The following EYS variants were observed in gnomAD, a reference collection of about 807,000 sequenced individuals.
EYS encodes the protein EGF-like photoreceptor maintenance factor, also known as protein eyes shut homolog.
Under a neutral mutation model 282.1 loss-of-function variants are expected in EYS, and 250 were observed. That is an observed-to-expected ratio of 0.89 (90% confidence interval 0.80 to 0.98). The LOEUF (loss-of-function observed/expected upper bound fraction) is 0.98, where lower values mean the gene tolerates loss of function less well. Among genes scored for constraint, EYS ranks in the 50% least tolerant of loss-of-function variants. The pLI is 0.00. For missense variants in EYS, 4,016 were observed against 3,709.0 expected (o/e 1.08, Z -2.15); for synonymous variants, 1,355 against 1,282.9 (o/e 1.06, Z -1.20).
intron 40 of EYS, among the ~76,000 whole-genome samples, chr6:63,772,010 T>C (rs138695226): frequency 1.4e-3 from 213 of 152,306 alleles, no homozygotes; most frequent in Non-Finnish European, 2.5e-3. Context: ...GTCCTAGAGC[T>C]GAGTGTACAA....
chr6:65,201,777 G>C (rs1325744216), intron 12 of EYS, among the ~76,000 whole-genome samples: 1 of 151,970 alleles, frequency 6.6e-6, no homozygotes, highest in African/African-American at 2.4e-5. Context: ...TGGTCTGGAG[G>C]TCATGAACAT....
chr6:65,598,956 GT>G (rs1012999591), intron 2 of EYS, among the ~76,000 whole-genome samples: 4 of 152,048 alleles, frequency 2.6e-5, no homozygotes, highest in Non-Finnish European at 5.9e-5. Flanking sequence ...GAACAGGTGT[GT>G]GGTGTATATA....
At chr6:65,217,798 G>A in intron 12 of EYS, among the ~76,000 whole-genome samples, 1 of 152,014 alleles carries the variant, frequency 6.6e-6, no homozygotes, top group East Asian at 1.9e-4. Context: ...AGAAAATATA[G>A]AGTTTTCTGG....
At chr6:65,054,493 A>G (rs1384352800) in intron 13 of EYS, among the ~76,000 whole-genome samples, 2 of 152,042 alleles carry the variant, frequency 1.3e-5, no homozygotes, top group Admixed American at 6.6e-5. Flanking sequence ...ACGTGGTCTC[A>G]TCTACATACA....
intron 8 of EYS, among the ~76,000 whole-genome samples, chr6:65,367,550 T>A (rs1435957210): frequency 6.6e-6 from 1 of 151,704 alleles, no homozygotes; most frequent in Non-Finnish European, 1.5e-5. Flanking sequence ...TCACAAGCAT[T>A]GCACTAATTT....
chr6:64,016,809 T>A (rs1052264927), intron 33 of EYS, among the ~76,000 whole-genome samples: 2 of 152,122 alleles, frequency 1.3e-5, no homozygotes, highest in African/African-American at 2.4e-5. Context: ...ATTGTACATT[T>A]CTTATTCGTC....
At chr6:64,062,367 A>G (rs1428663655) in intron 33 of EYS, among the ~76,000 whole-genome samples, 2 of 152,170 alleles carry the variant, frequency 1.3e-5, no homozygotes, top group Non-Finnish European at 2.9e-5. Context: ...TCTCATGTAC[A>G]TTGTATCTTA....
intron 29 of EYS, among the ~76,000 whole-genome samples, chr6:64,340,443 C>A (rs1771057797): frequency 2.0e-5 from 3 of 151,794 alleles, no homozygotes; most frequent in Admixed American, 2.0e-4. Context: ...TGATTTTTAA[C>A]AAGACCAACA....
At position 63,885,380 on chromosome 6, in the gene EYS, C is replaced by A. The variant is rs1773238231; in HGVS notation, c.7056-21022G>T. 2.0e-5 allele frequency among the ~76,000 whole-genome samples: 3 copies of A among 152,122 alleles called. No individual in the cohort carries two copies. The South Asian group carries it at 6.2e-4, about 32-fold the overall frequency. On this transcript the variant is annotated intron_variant, in intron 35 of 42. Coordinates refer to ENST00000503581, the MANE Select transcript of EYS (RefSeq NM_001142800.2). ...CATTTTAGGAAGAGAACTAAACATT[C>A]TTCTCATAATTTAAGGACTCTTCCA...
intron 36 of EYS, among the ~76,000 whole-genome samples, chr6:63,850,969 G>A (rs1313878311): frequency 6.6e-6 from 1 of 152,172 alleles, no homozygotes; most frequent in Non-Finnish European, 1.5e-5. Flanking sequence ...AAAATAAAGG[G>A]ATGGAGGAAT....
chr6:65,149,716 A>T (rs115793696), intron 12 of EYS, among the ~76,000 whole-genome samples: 354 of 151,974 alleles, frequency 2.3e-3, no homozygotes, highest in Non-Finnish European at 3.2e-3. Flanking sequence ...CCTCCAAACT[A>T]TTCCAAACTC....
intron 13 of EYS, among the ~76,000 whole-genome samples, chr6:65,038,152 G>C (rs1165289369): frequency 6.6e-6 from 1 of 151,508 alleles, no homozygotes; most frequent in Non-Finnish European, 1.5e-5. Flanking sequence ...GTACACATAA[G>C]TGCATAATCC....
At chr6:64,129,456 T>C in intron 31 of EYS, among the ~76,000 whole-genome samples, 1 of 152,198 alleles carries the variant, frequency 6.6e-6, no homozygotes. Context: ...TCATATCCTT[T>C]GCCCACTTTT....
intron 31 of EYS, among the ~76,000 whole-genome samples, chr6:64,176,769 G>A (rs1358717645): frequency 6.6e-6 from 1 of 151,898 alleles, no homozygotes; most frequent in Admixed American, 6.6e-5. Context: ...CTAATTTGTT[G>A]TTCAGTTTTT....
chr6:63,999,239 A>G lies in EYS; in HGVS notation c.6726-56T>C, dbSNP rs962515276. The G allele has an allele frequency of 7.5e-6, 8 of 1,064,280 alleles. No homozygotes were observed. The African/African-American group carries it at 1.3e-4, about 17-fold the overall frequency. The allele number at this position is 1,064,280 out of a possible 1,614,324, so 65.9% of individuals were successfully genotyped here. ...TATGTGTTTTTGGCAAGAAAGGAGT[A>G]ACTTCACACATGGATAGTAAGTACT... On this transcript the variant is annotated intron_variant, in intron 33 of 42. Coordinates refer to ENST00000503581, the MANE Select transcript of EYS (RefSeq NM_001142800.2).
intron 22 of EYS, among the ~76,000 whole-genome samples, chr6:64,656,293 AC>A (rs1291141714): frequency 5.9e-5 from 9 of 152,096 alleles, no homozygotes; most frequent in Non-Finnish European, 1.3e-4. Context: ...ATTTTCCCAT[AC>A]CTGTTCTTTT....
At chr6:65,008,340 GA>G (rs1026851027) in intron 13 of EYS, among the ~76,000 whole-genome samples, 4 of 150,636 alleles carry the variant, frequency 2.7e-5, no homozygotes, top group Admixed American at 6.6e-5. Flanking sequence ...GCAGACATTA[GA>G]AAAAAAAACT....
intron 12 of EYS, among the ~76,000 whole-genome samples, chr6:65,175,689 A>T (rs748298701): frequency 1.1e-4 from 17 of 151,556 alleles, no homozygotes; most frequent in Non-Finnish European, 1.8e-4. Flanking sequence ...GAAGATTTTA[A>T]CAAGTGGACT....
chr6:65,230,797 T>C (rs1408523224), intron 12 of EYS, among the ~76,000 whole-genome samples: 4 of 151,644 alleles, frequency 2.6e-5, no homozygotes, highest in Admixed American at 1.3e-4. Flanking sequence ...ATTTTAAAAT[T>C]TGCAGTAGTA....
Sources: gnomAD v4.1 joint callset for allele counts (sites outside exome capture counted in the v4.1 genomes callset) on GRCh38, gnomAD v4.1.1 for gene constraint, MANE v1.5 for transcripts, NCBI Gene and HGNC (gene_info 2026-07-23, HGNC 2026-07-21) for gene names.